The following MCPH1 variants were observed in gnomAD, a reference collection of about 807,000 sequenced individuals.
The protein encoded by MCPH1 is microcephalin 1.
MCPH1 carries 104 observed loss-of-function variants against 84.5 expected under a neutral mutation model. That is an observed-to-expected ratio of 1.23 (90% CI 1.05 to 1.45). The LOEUF (loss-of-function observed/expected upper bound fraction) is 1.45, where lower values mean the gene tolerates loss of function less well. Ranked by LOEUF, MCPH1 falls within the 40% of genes most tolerant of loss-of-function variation. The pLI is 0.00. For missense variants in MCPH1, 1,498 were observed against 1,005.7 expected (o/e 1.49, Z -6.62); for synonymous variants, 514 against 366.8 (o/e 1.40, Z -4.58).
chr8:6,637,349 A>C (rs894842741), intron 13 of MCPH1, among the ~76,000 whole-genome samples: 2 of 152,208 alleles, frequency 1.3e-5, no homozygotes, highest in African/African-American at 4.8e-5. Flanking sequence ...ATTTGAGCTG[A>C]GGCCCAGATG....
At chr8:6,548,101 T>A (rs1353922082) in intron 12 of MCPH1, among the ~76,000 whole-genome samples, 1 of 152,174 alleles carries the variant, frequency 6.6e-6, no homozygotes, top group African/African-American at 2.4e-5. Flanking sequence ...AGAACCTACA[T>A]TGGAGTTTTG....
At position 6,463,266 on chromosome 8, in the gene MCPH1, G is replaced by A. The variant is rs79663947; in HGVS notation, c.1935+8014G>A. On this transcript the variant is annotated intron_variant, in intron 9 of 13. Transcript: ENST00000344683. ...CTGCGGTCAGAAATGCCCGCTTGGG[G>A]GATCTGCTTCCTCAGTTTTCGAGAG... Among the ~76,000 whole-genome samples, 714 of 152,286 alleles carry A rather than the reference G, an allele frequency of 4.7e-3. 2 individuals are homozygous for A. The highest frequency in any genetic ancestry group is 7.6e-3 in the Non-Finnish European group (514 of 68,024).
At chr8:6,638,600 T>C in intron 13 of MCPH1, among the ~76,000 whole-genome samples, 1 of 152,094 alleles carries the variant, frequency 6.6e-6, no homozygotes, top group East Asian at 1.9e-4. Context: ...AAAAAATTTT[T>C]TTTTTAATTT....
intron 12 of MCPH1, among the ~76,000 whole-genome samples, chr8:6,611,230 G>A (rs144563996): frequency 3.9e-5 from 6 of 152,206 alleles, no homozygotes; most frequent in Non-Finnish European, 8.8e-5. Flanking sequence ...CACCAGCTGA[G>A]TGTCCTACAA....
chr8:6,446,449 C>T (rs751993874), intron 8 of MCPH1: 1 of 985,230 alleles, frequency 1.0e-6, no homozygotes, highest in Non-Finnish European at 1.2e-6. Context: ...CATACCTTTT[C>T]CTTGAGTATA....
At chr8:6,507,464 T>G (rs1813977175) in intron 12 of MCPH1, 1 of 152,220 alleles carries the variant, frequency 6.6e-6, no homozygotes, top group Non-Finnish European at 1.5e-5. Context: ...AAGAACTAAC[T>G]TGACAGCATT....
chr8:6,602,897 A>T (rs1829481156), intron 12 of MCPH1, among the ~76,000 whole-genome samples: 1 of 152,058 alleles, frequency 6.6e-6, no homozygotes, highest in South Asian at 2.1e-4. Flanking sequence ...GTCTGGTCTT[A>T]AAATAGAAAA....
chr8:6,578,832 G>A (rs1827321590), intron 12 of MCPH1, among the ~76,000 whole-genome samples: 1 of 152,184 alleles, frequency 6.6e-6, no homozygotes, highest in African/African-American at 2.4e-5. Flanking sequence ...CCACAGAGCT[G>A]CTCTCGGCTC....
chr8:6,619,926 C>A (rs554736624), intron 12 of MCPH1, among the ~76,000 whole-genome samples: 1 of 152,192 alleles, frequency 6.6e-6, no homozygotes, highest in African/African-American at 2.4e-5. Flanking sequence ...GTGTGTCCTA[C>A]TTTAAAATGA....
intron 12 of MCPH1, among the ~76,000 whole-genome samples, chr8:6,566,999 C>G (rs538892866): frequency 1.4e-5 from 2 of 139,116 alleles, no homozygotes; most frequent in African/African-American, 5.6e-5. Context: ...GGTGTGTGAT[C>G]GGCAAGGCCA....
At chr8:6,546,623 G>A (rs1169449527) in intron 12 of MCPH1, among the ~76,000 whole-genome samples, 1 of 152,044 alleles carries the variant, frequency 6.6e-6, no homozygotes, top group East Asian at 1.9e-4. Flanking sequence ...AAATTATTTG[G>A]AGCTAACCGC....
Position 6,439,104 on chromosome 8 carries a change from AT to A in MCPH1, c.580+10del. ...AAAATCTTTCCCCCACCTGTAAGTA[AT>A]TAGTTTGTAAAATGAAAATTATGCA... On this transcript the variant is annotated intron_variant, in intron 6 of 13. Coordinates refer to ENST00000344683, the MANE Select transcript of MCPH1 (RefSeq NM_024596.5). 6.2e-7 allele frequency: 1 copy of A among 1,611,844 alleles called. No individual in the cohort carries two copies. The highest frequency in any genetic ancestry group is 1.1e-5 in the South Asian group (1 of 91,002).
chr8:6,594,094 A>G (rs750774713), intron 12 of MCPH1, among the ~76,000 whole-genome samples: 3 of 152,186 alleles, frequency 2.0e-5, no homozygotes, highest in Non-Finnish European at 4.4e-5. Flanking sequence ...CTGTCCAGGC[A>G]AGGCTGCTGT....
intron 3 of MCPH1, among the ~76,000 whole-genome samples, chr8:6,419,706 T>A (rs1049997626): frequency 2.4e-4 from 36 of 152,038 alleles, no homozygotes; most frequent in Admixed American, 2.4e-3. Flanking sequence ...AGAGATGGGA[T>A]CTTACTATGT....
intron 11 of MCPH1, among the ~76,000 whole-genome samples, chr8:6,482,786 C>G (rs536379698): frequency 6.6e-6 from 1 of 152,282 alleles, no homozygotes; most frequent in South Asian, 2.1e-4. Flanking sequence ...TGTATCTCTT[C>G]TGGGATTACC....
intron 10 of MCPH1, 58 bp from the exon 11 acceptor site, chr8:6,480,656 T>C (rs1809093178): frequency 6.2e-7 from 1 of 1,601,588 alleles, no homozygotes; most frequent in South Asian, 1.1e-5. Flanking sequence ...TGTAACTGCT[T>C]TGATGGGCAT....
Position 6,513,710 on chromosome 8 carries a change from A to G in MCPH1, c.2214+13781A>G, listed in dbSNP as rs1269824738. The G allele has an allele frequency of 2.5e-6, 4 of 1,613,090 alleles. No individual in the cohort carries two copies. The Middle Eastern group carries it at 5.0e-4, about 200-fold the overall frequency. On this transcript the variant is annotated intron_variant, in intron 12 of 13. Coordinates refer to ENST00000344683, the MANE Select transcript of MCPH1 (RefSeq NM_024596.5). ...TGAGTTCTTCACTTGAGAGATAGAA[A>G]TGTTCATACAATGAGTAAGCCTCAT...
At chr8:6,505,599 AAT>A (rs575838053) in intron 12 of MCPH1, among the ~76,000 whole-genome samples, 1 of 126,124 alleles carries the variant, frequency 7.9e-6, no homozygotes, top group African/African-American at 3.0e-5. Context: ...GTATATATGG[AAT>A]ATATATATTC....
At chr8:6,443,503 A>G (rs968146147) in intron 7 of MCPH1, among the ~76,000 whole-genome samples, 1 of 152,246 alleles carries the variant, frequency 6.6e-6, no homozygotes, top group African/African-American at 2.4e-5. Context: ...CGTGACCTCC[A>G]GATTGAGTGA....
Sources: allele counts gnomAD v4.1 joint callset (sites outside exome capture counted in the v4.1 genomes callset), GRCh38; gene constraint gnomAD v4.1.1; transcripts MANE v1.5; gene names NCBI Gene and HGNC (gene_info 2026-07-23, HGNC 2026-07-21).